The following SNX29 variants were observed in gnomAD, a reference collection of about 807,000 sequenced individuals.
SNX29 encodes sorting nexin 29, also known as sorting nexin-29.
Under a neutral mutation model 102.1 loss-of-function variants are expected in SNX29, and 78 were observed. The ratio of observed to expected loss-of-function variants is 0.76; its 90% CI spans 0.64 to 0.92. The LOEUF (loss-of-function observed/expected upper bound fraction) is 0.92. SNX29 is among the 40% of genes least tolerant of loss of function. The pLI is 0.00. For missense variants in SNX29, 1,280 were observed against 1,061.7 expected (o/e 1.21, Z -2.86); for synonymous variants, 580 against 414.5 (o/e 1.40, Z -4.85).
intron 20 of SNX29, among the ~76,000 whole-genome samples, chr16:12,539,597 A>T (rs1453897497): frequency 6.6e-6 from 1 of 152,200 alleles, no homozygotes; most frequent in African/African-American, 2.4e-5. Flanking sequence ...CTGTGCGGCA[A>T]ATACCTAAGA....
In SNX29 at chr16:12,214,522, C is replaced by T. The variant is rs191606071; in HGVS notation, c.1678+14839C>T. Among the ~76,000 whole-genome samples, 27 of 151,718 alleles carry T rather than the reference C, an allele frequency of 1.8e-4. No homozygotes were observed. The East Asian group carries it at 4.1e-3, about 23-fold the overall frequency. On this transcript the variant is annotated intron_variant, in intron 14 of 20. Transcript: ENST00000566228. ...AGGAAACTGGTCATTTTGTTTTGCT[C>T]GAGTGGGTAATGATGCCGTGGACCT...
intron 18 of SNX29, among the ~76,000 whole-genome samples, chr16:12,426,702 G>A (rs2085093494): frequency 6.6e-6 from 1 of 152,304 alleles, no homozygotes; most frequent in African/African-American, 2.4e-5. Flanking sequence ...ATCTCACTCT[G>A]TCGCCCAGGC....
chr16:12,117,806 T>G (rs2053796408), intron 11 of SNX29, among the ~76,000 whole-genome samples: 1 of 152,160 alleles, frequency 6.6e-6, no homozygotes, highest in African/African-American at 2.4e-5. Context: ...TTAAAAAACC[T>G]TCAGTTTGGC....
chr16:12,061,667 C>T, intron 9 of SNX29, 21 bp downstream of exon 9: 3 of 1,586,912 alleles, frequency 1.9e-6, no homozygotes, highest in Non-Finnish European at 2.6e-6. Flanking sequence ...CCCGATTACT[C>T]CTTTCCTCCA....
At chr16:12,198,395 C>G (rs1449747437) in intron 13 of SNX29, among the ~76,000 whole-genome samples, 1 of 148,630 alleles carries the variant, frequency 6.7e-6, no homozygotes, top group African/African-American at 2.6e-5. Context: ...GTATTGGGGT[C>G]TTACCATGTT....
intron 8 of SNX29, among the ~76,000 whole-genome samples, chr16:12,055,751 T>A (rs1596715884): frequency 6.6e-6 from 1 of 151,044 alleles, no homozygotes; most frequent in East Asian, 1.9e-4. Context: ...TGCAGCGTAA[T>A]CTGGTTCACC....
chr16:12,377,008 C>T (rs1299410394), intron 16 of SNX29, among the ~76,000 whole-genome samples: 2 of 151,978 alleles, frequency 1.3e-5, no homozygotes, highest in Non-Finnish European at 2.9e-5. Context: ...GTTTTCTAAC[C>T]AGGAGAATGT....
At chr16:12,467,060 A>T (rs545366321) in intron 18 of SNX29, among the ~76,000 whole-genome samples, 11 of 152,284 alleles carry the variant, frequency 7.2e-5, no homozygotes, top group Admixed American at 2.6e-4. Flanking sequence ...GTGGCCAGTG[A>T]TGCGAAGATG....
intron 14 of SNX29, among the ~76,000 whole-genome samples, chr16:12,229,966 C>A (rs1217344455): frequency 6.6e-6 from 1 of 152,160 alleles, no homozygotes; most frequent in African/African-American, 2.4e-5. Flanking sequence ...ATATTTTTGG[C>A]TTTGTTGTCC....
chr16:12,199,071 A>C (rs908856303), intron 13 of SNX29, among the ~76,000 whole-genome samples: 1 of 152,194 alleles, frequency 6.6e-6, no homozygotes, highest in Non-Finnish European at 1.5e-5. Context: ...TCTTTATGCC[A>C]CAATCTCCTT....
At chr16:12,313,570 A>G (rs542491195) in intron 15 of SNX29, among the ~76,000 whole-genome samples, 1 of 152,282 alleles carries the variant, frequency 6.6e-6, no homozygotes, top group South Asian at 2.1e-4. Context: ...CTCTTGTGGA[A>G]TTCCATCTAT....
At chr16:12,494,203 C>G (rs2088694248) in intron 19 of SNX29, among the ~76,000 whole-genome samples, 1 of 152,160 alleles carries the variant, frequency 6.6e-6, no homozygotes, top group African/African-American at 2.4e-5. Flanking sequence ...CGAACTCTTG[C>G]TGTCCCCTCA....
chr16:12,353,634 G>A (rs1279573115), intron 15 of SNX29, among the ~76,000 whole-genome samples: 1 of 152,178 alleles, frequency 6.6e-6, no homozygotes, highest in African/African-American at 2.4e-5. Context: ...TGCACCTGTA[G>A]TTTCCTCCAC....
chr16:12,565,966 G>A (rs1262075539), intron 20 of SNX29, among the ~76,000 whole-genome samples: 1 of 152,128 alleles, frequency 6.6e-6, no homozygotes, highest in Non-Finnish European at 1.5e-5. Flanking sequence ...ATGACACTGT[G>A]GCTTTCCAAA....
At chr16:12,010,640 A>T (rs2056617604) in intron 3 of SNX29, among the ~76,000 whole-genome samples, 1 of 152,150 alleles carries the variant, frequency 6.6e-6, no homozygotes, top group African/African-American at 2.4e-5. Context: ...ACAAACAAAC[A>T]AACAAGAAAT....
chr16:12,030,466 C>T (rs993444922), intron 4 of SNX29, among the ~76,000 whole-genome samples: 17 of 152,192 alleles, frequency 1.1e-4, no homozygotes, highest in Admixed American at 1.1e-3. Context: ...TTCCTCCCAG[C>T]CTTCTCCTTC....
intron 15 of SNX29, among the ~76,000 whole-genome samples, chr16:12,335,675 G>T (rs775823747): frequency 1.2e-4 from 18 of 152,156 alleles, no homozygotes; most frequent in Non-Finnish European, 1.0e-4. Context: ...GACCGTGTCA[G>T]CGTTGGGGGT....
At chr16:12,212,425 C>T (rs564257096) in intron 14 of SNX29, among the ~76,000 whole-genome samples, 11 of 152,198 alleles carry the variant, frequency 7.2e-5, no homozygotes, top group African/African-American at 2.2e-4. Flanking sequence ...GAAGCCATTG[C>T]CTGGAAGAGG....
intron 16 of SNX29, among the ~76,000 whole-genome samples, chr16:12,387,297 G>A (rs147821866): frequency 9.9e-5 from 15 of 152,264 alleles, no homozygotes; most frequent in Admixed American, 8.5e-4. Context: ...AGGAGAGGCC[G>A]AGAGAGAAGG....
Sources: allele counts gnomAD v4.1 joint callset (sites outside exome capture counted in the v4.1 genomes callset), GRCh38; gene constraint gnomAD v4.1.1; transcripts MANE v1.5; gene names NCBI Gene and HGNC (gene_info 2026-07-23, HGNC 2026-07-21).